The following PRKG2 variants were observed in gnomAD, a reference collection of about 807,000 sequenced individuals.
The protein encoded by PRKG2 is cGMP-dependent protein kinase 2.
Under a neutral mutation model 97.2 loss-of-function variants are expected in PRKG2, and 33 were observed. The ratio of observed to expected loss-of-function variants is 0.34; its 90% CI spans 0.26 to 0.45. The LOEUF (loss-of-function observed/expected upper bound fraction) is 0.45, where lower values mean the gene tolerates loss of function less well. Ranked by LOEUF, PRKG2 falls within the 20% of genes least tolerant of loss-of-function variation. PRKG2 has a pLI of 1.00. For synonymous variants in PRKG2, 330 were observed against 321.8 expected (o/e 1.03, Z -0.27); for missense variants, 638 against 900.0 (o/e 0.71, Z 3.73).
At position 81,174,887 on chromosome 4, in the gene PRKG2, T is replaced by G. The variant is rs1465001126; in HGVS notation, c.534A>C (p.Lys178Asn). 6.2e-7 allele frequency: 1 copy of G among 1,613,058 alleles called. No homozygotes were observed. Among genetic ancestry groups the G allele is most frequent in the Non-Finnish European group, 8.5e-7 (1 of 1,179,304 alleles). ...FLKRLDPQQI[K>N]DMVECMYGRN... is the part of the protein sequence containing the mutation. ...TCCCATACATGCATTCCACCATGTC[T>G]TTGATCTGCTGAGGATCCAGTCTTT... is the stretch of plus-strand genomic sequence containing the variant. The change falls in exon 3 of 19, where the codon AAA becomes AAC. Residue 178 changes from lysine (K) to asparagine (N), a missense_variant. Physicochemically the swap from Lys to Asn is moderately conservative, Grantham distance 94 (BLOSUM62 0). Around this residue, in one of 3 missense-constraint regions of PRKG2, gnomAD observed 332 missense variants for 421.7 expected, o/e 0.79. Coordinates refer to ENST00000264399, the MANE Select transcript of PRKG2 (RefSeq NM_006259.3).
In PRKG2 at chr4:81,155,177, C is replaced by CAAAAAAAAAAAAAAAAA. The variant is rs57874087; in HGVS notation, c.913-1457_913-1456insTTTTTTTTTTTTTTTTT. 1.2e-4 allele frequency among the ~76,000 whole-genome samples: 9 copies of CAAAAAAAAAAAAAAAAA among 74,300 alleles called. No individual in the cohort carries two copies. In the South Asian group the frequency reaches 1.5e-3, roughly 13 times the overall value. 48.7% of individuals were successfully genotyped at this position (74,300 alleles called of 152,430 possible). A position where few individuals can be genotyped will look rare whatever the true frequency, so the allele number is the denominator to read the frequency against. On this transcript the variant is annotated intron_variant, in intron 6 of 18. Coordinates refer to ENST00000264399, the MANE Select transcript of PRKG2 (RefSeq NM_006259.3). ...TGGGCGACAGAGCGAGACTCCGTCT[C>CAAAAAAAAAAAAAAAAA]AAAAAAAAAAAAAAGAAGAATGTAT...
At chr4:81,181,776 T>C (rs1751435765) in intron 2 of PRKG2, among the ~76,000 whole-genome samples, 3 of 151,946 alleles carry the variant, frequency 2.0e-5, no homozygotes, top group Admixed American at 2.0e-4. Flanking sequence ...CTTGCCAAAA[T>C]AGTTGTTCAT....
intron 1 of PRKG2, among the ~76,000 whole-genome samples, chr4:81,212,839 A>C (rs1754051887): frequency 6.6e-6 from 1 of 152,206 alleles, no homozygotes; most frequent in Admixed American, 6.5e-5. Flanking sequence ...TGCTTTGGTT[A>C]AAGTGAGAGA....
intron 18 of PRKG2, among the ~76,000 whole-genome samples, chr4:81,090,518 C>CA (rs1186753270): frequency 6.6e-6 from 1 of 151,746 alleles, no homozygotes; most frequent in Non-Finnish European, 1.5e-5. Context: ...TTCAGAATGC[C>CA]AAAAAAGGAA....
chr4:81,205,034 G>A lies in PRKG2; in HGVS notation c.14C>T (p.Ser5Leu). ...GTGCTTAGAATGTTTAGGTTTCACT[G>A]AACCATTTCCCATTTTGCTCAGGGA... MGNG[S>L]VKPKHSKHPD... Residue 5 changes from serine (S) to leucine (L), a missense_variant, in exon 2 of 19, where the codon TCA becomes TTA. By Grantham distance (145) the Ser-to-Leu change is moderately radical (BLOSUM62 -2). Coordinates refer to ENST00000264399, the MANE Select transcript of PRKG2 (RefSeq NM_006259.3). 1 of 1,605,492 alleles carries A rather than the reference G, an allele frequency of 6.2e-7. No homozygotes were observed. The highest frequency in any genetic ancestry group is 2.2e-5 in the East Asian group (1 of 44,814).
chr4:81,109,522 G>A (rs1395519163), intron 15 of PRKG2, among the ~76,000 whole-genome samples: 1 of 152,114 alleles, frequency 6.6e-6, no homozygotes, highest in African/African-American at 2.4e-5. Flanking sequence ...ACATATAGAA[G>A]GAAGGTGCGT....
intron 2 of PRKG2, chr4:81,176,038 G>A (rs1240190506): frequency 6.6e-6 from 1 of 152,000 alleles, no homozygotes; most frequent in Non-Finnish European, 1.5e-5. Flanking sequence ...CAAACAAAAG[G>A]TAAGACTTCA....
chr4:81,100,697 A>G (rs1411981287), intron 17 of PRKG2, among the ~76,000 whole-genome samples: 3 of 152,212 alleles, frequency 2.0e-5, no homozygotes, highest in Admixed American at 2.0e-4. Flanking sequence ...AATGGCAACA[A>G]AAGCCAAAAT....
At chr4:81,139,639 G>A (rs1214452182) in intron 12 of PRKG2, among the ~76,000 whole-genome samples, 3 of 151,796 alleles carry the variant, frequency 2.0e-5, no homozygotes, top group African/African-American at 7.3e-5. Flanking sequence ...GCCAGGCATG[G>A]TGGTGGGTGC....
chr4:81,168,224 C>A (rs1382903599), intron 5 of PRKG2, among the ~76,000 whole-genome samples: 1 of 151,982 alleles, frequency 6.6e-6, no homozygotes, highest in Non-Finnish European at 1.5e-5. Flanking sequence ...AAACCTAGCA[C>A]CTTTGGAGGT....
chr4:81,216,810 C>T (rs1355438931), upstream of PRKG2, among the ~76,000 whole-genome samples: 5 of 151,428 alleles, frequency 3.3e-5, no homozygotes, highest in East Asian at 9.7e-4. Context: ...AGTAATTTCA[C>T]TTAGGATAAT....
intron 2 of PRKG2, among the ~76,000 whole-genome samples, chr4:81,177,312 G>A (rs56008646): frequency 0.24 from 36,349 of 151,980 alleles, 8,459 homozygotes; most frequent in African/African-American, 0.59. Context: ...TTTATAACTT[G>A]GTGTATAGAC....
chr4:81,136,219 T>C (rs543778779), intron 13 of PRKG2, among the ~76,000 whole-genome samples: 12 of 152,198 alleles, frequency 7.9e-5, no homozygotes, highest in Non-Finnish European at 1.6e-4. Context: ...CACATTCATC[T>C]TCTACTCAGA....
chr4:81,212,695 G>A (rs1468244370), intron 1 of PRKG2, among the ~76,000 whole-genome samples: 1 of 152,182 alleles, frequency 6.6e-6, no homozygotes, highest in African/African-American at 2.4e-5. Context: ...ATATTAAGCA[G>A]TTATTGATAC....
chr4:81,111,084 T>C (rs1560544494), intron 14 of PRKG2, among the ~76,000 whole-genome samples: 2 of 151,796 alleles, frequency 1.3e-5, no homozygotes, highest in Non-Finnish European at 2.9e-5. Context: ...AATTGAGAGT[T>C]TGGGAAATGG....
At chr4:81,154,038 C>A (rs1578432159) in intron 6 of PRKG2, 1 of 198,026 alleles carries the variant, frequency 5.0e-6, no homozygotes, top group African/African-American at 2.5e-5. Context: ...TCACTCTCAC[C>A]CGAATATCGC....
At chr4:81,174,751 C>T (rs1039258933) in intron 3 of PRKG2, 42 bp downstream of exon 3, 1 of 1,533,228 alleles carries the variant, frequency 6.5e-7, no homozygotes, top group Non-Finnish European at 8.8e-7. Context: ...TCATAACAGG[C>T]AAAATATTTA....
At chr4:81,195,004 G>C (rs1040486330) in intron 2 of PRKG2, among the ~76,000 whole-genome samples, 1 of 152,080 alleles carries the variant, frequency 6.6e-6, no homozygotes, top group Admixed American at 6.6e-5. Flanking sequence ...CTGGGGGTTA[G>C]ACCCAGGCAT....
intron 1 of PRKG2, among the ~76,000 whole-genome samples, chr4:81,213,273 G>C (rs1754101107): frequency 6.6e-6 from 1 of 152,170 alleles, no homozygotes; most frequent in South Asian, 2.1e-4. Flanking sequence ...AGGGAGGTAA[G>C]AAAGGAATGT....
Sources: gnomAD v4.1 joint callset for allele counts (sites outside exome capture counted in the v4.1 genomes callset) on GRCh38, gnomAD v4.1.1 for gene constraint, gnomAD v4.1.1 regional missense constraint, MANE v1.5 for transcripts, NCBI Gene and HGNC (gene_info 2026-07-23, HGNC 2026-07-21) for gene names.